The following DPP10 variants were observed in gnomAD, a reference collection of about 807,000 sequenced individuals.
DPP10 encodes the protein inactive dipeptidyl peptidase 10.
A neutral mutation model predicts 120.9 loss-of-function variants in DPP10; 33 were observed. That is an observed-to-expected ratio of 0.27 (90% CI 0.21 to 0.37). The LOEUF is 0.37. Among genes scored for constraint, DPP10 ranks in the 10% least tolerant of loss-of-function variants. DPP10 has a pLI of 1.00. For missense variants in DPP10, 816 were observed against 942.8 expected (o/e 0.87, Z 1.76); for synonymous variants, 337 against 326.1 (o/e 1.03, Z -0.36).
chr2:115,262,494 C>T (rs2059295575), intron 1 of DPP10, among the ~76,000 whole-genome samples: 1 of 151,924 alleles, frequency 6.6e-6, no homozygotes, highest in Non-Finnish European at 1.5e-5. Context: ...ATTTTGACTA[C>T]ATAGAAATCT....
rs561527613 is a variant in DPP10 at position 115,599,488 on chromosome 2, GTTTA to G, written c.441+73524_441+73527del. 2.2e-4 allele frequency among the ~76,000 whole-genome samples: 33 copies of G among 152,086 alleles called. 1 individual carries two copies. The East Asian group carries it at 5.6e-3, about 26-fold the overall frequency. ...CTTACTCAGTGATTTTATTTCAGAT[GTTTA>G]TTTATTTCAGTTCTAACATTTCACT... On this transcript the variant is annotated intron_variant, in intron 5 of 25. Coordinates refer to ENST00000410059, the MANE Select transcript of DPP10 (RefSeq NM_020868.6).
intron 3 of DPP10, among the ~76,000 whole-genome samples, chr2:115,447,380 T>G (rs1183920609): frequency 6.6e-6 from 1 of 152,182 alleles, no homozygotes; most frequent in Non-Finnish European, 1.5e-5. Context: ...ACTTTTGGGT[T>G]ACTGCTGGAA....
At chr2:115,536,578 G>T (rs1247306218) in intron 5 of DPP10, among the ~76,000 whole-genome samples, 1 of 151,938 alleles carries the variant, frequency 6.6e-6, no homozygotes, top group East Asian at 1.9e-4. Flanking sequence ...TTGCTAAAAT[G>T]CCCACTAGAA....
At chr2:114,692,861 T>C (rs1261640804) in intron 1 of DPP10, among the ~76,000 whole-genome samples, 5 of 151,902 alleles carry the variant, frequency 3.3e-5, no homozygotes, top group African/African-American at 9.7e-5. Context: ...TTGTGATCTT[T>C]TTGGTTTAAA....
intron 5 of DPP10, among the ~76,000 whole-genome samples, chr2:115,660,180 T>C (rs2088795969): frequency 6.6e-6 from 1 of 152,214 alleles, no homozygotes; most frequent in African/African-American, 2.4e-5. Flanking sequence ...GAGATGTCTG[T>C]TTATTACGTT....
intron 2 of DPP10, among the ~76,000 whole-genome samples, chr2:115,317,151 C>T (rs894986889): frequency 2.6e-5 from 4 of 152,102 alleles, no homozygotes; most frequent in Non-Finnish European, 5.9e-5. Context: ...AAACTCTACC[C>T]ATTAAGCAGT....
At chr2:114,617,445 T>C (rs991840569) in intron 1 of DPP10, among the ~76,000 whole-genome samples, 7 of 152,248 alleles carry the variant, frequency 4.6e-5, no homozygotes, top group African/African-American at 1.7e-4. Flanking sequence ...GCTGATTAAA[T>C]TTGGAGAAAA....
At chr2:115,274,103 CTGTG>C (rs146168246) in intron 1 of DPP10, among the ~76,000 whole-genome samples, 1 of 150,256 alleles carries the variant, frequency 6.7e-6, no homozygotes, top group South Asian at 2.1e-4. Context: ...GTGTGTGTGT[CTGTG>C]TGTGTGTGTG....
At chr2:115,746,011 A>G in intron 9 of DPP10, 75 bp from the exon 10 acceptor site, 1 of 1,099,090 alleles carries the variant, frequency 9.1e-7, no homozygotes, top group Non-Finnish European at 1.3e-6. Flanking sequence ...TAAATGAATC[A>G]AAAATCCTTT....
chr2:115,653,772 G>A (rs2088028698), intron 5 of DPP10, among the ~76,000 whole-genome samples: 1 of 151,940 alleles, frequency 6.6e-6, no homozygotes. Context: ...GAAAGAAGAG[G>A]AGAATGTTGG....
At chr2:115,794,760 C>T (rs1374253375) in intron 19 of DPP10, among the ~76,000 whole-genome samples, 7 of 152,002 alleles carry the variant, frequency 4.6e-5, no homozygotes, top group African/African-American at 9.7e-5. Flanking sequence ...CTTAAGGACC[C>T]GGAGTCCTTA....
chr2:115,032,287 A>G (rs1400486797), intron 1 of DPP10, among the ~76,000 whole-genome samples: 1 of 152,104 alleles, frequency 6.6e-6, no homozygotes, highest in Non-Finnish European at 1.5e-5. Flanking sequence ...CAGCAGCTGC[A>G]TTTTGAAAAG....
chr2:115,678,330 C>T (rs1213712120), intron 5 of DPP10, among the ~76,000 whole-genome samples: 1 of 152,228 alleles, frequency 6.6e-6, no homozygotes, highest in African/African-American at 2.4e-5. Context: ...CTGCTGTGTG[C>T]AGCCTTGGGA....
At chr2:115,169,737 C>T (rs1027811447) in intron 1 of DPP10, among the ~76,000 whole-genome samples, 4 of 151,996 alleles carry the variant, frequency 2.6e-5, no homozygotes, top group African/African-American at 7.2e-5. Context: ...TAATCAAAAC[C>T]GACTTTACAT....
In DPP10 at chr2:115,180,102, A is replaced by G. The variant is rs935446947; in HGVS notation, c.61-129137A>G. Among the ~76,000 whole-genome samples, 13 of 152,276 alleles carry G rather than the reference A, an allele frequency of 8.5e-5. No homozygotes were observed. In the East Asian group the frequency reaches 2.3e-3, roughly 27 times the overall value. On this transcript the variant is annotated intron_variant, in intron 1 of 25. Transcript: ENST00000410059. Reference sequence around the variant, plus strand: ...CACAAAGAAGAAACTTGTAGTTGTTAATGCTTCTAGGAAGTCAAGCTGCTG... The same window carrying G: ...CACAAAGAAGAAACTTGTAGTTGTTGATGCTTCTAGGAAGTCAAGCTGCTG...
At chr2:115,524,288 T>A (rs1047379276) in intron 4 of DPP10, among the ~76,000 whole-genome samples, 1 of 152,132 alleles carries the variant, frequency 6.6e-6, no homozygotes, top group African/African-American at 2.4e-5. Flanking sequence ...ATGTGAGGGT[T>A]CTCATTACCC....
intron 1 of DPP10, among the ~76,000 whole-genome samples, chr2:114,857,646 A>G (rs1026058081): frequency 5.9e-5 from 9 of 152,214 alleles, no homozygotes; most frequent in African/African-American, 2.2e-4. Flanking sequence ...TAGTAATAGT[A>G]TTCATATGCT....
chr2:114,612,620 G>A (rs371786011), intron 1 of DPP10, among the ~76,000 whole-genome samples: 11 of 152,082 alleles, frequency 7.2e-5, no homozygotes, highest in East Asian at 1.9e-4. Context: ...TATTGACAGC[G>A]TATGAATGAG....
intron 1 of DPP10, among the ~76,000 whole-genome samples, chr2:114,581,011 T>C (rs1315809376): frequency 5.3e-5 from 8 of 152,028 alleles, no homozygotes; most frequent in Non-Finnish European, 2.9e-5. Flanking sequence ...GTTTCCTTAA[T>C]GGAGAAATTT....
Sources: allele counts gnomAD v4.1 joint callset (sites outside exome capture counted in the v4.1 genomes callset), GRCh38; gene constraint gnomAD v4.1.1; transcripts MANE v1.5; gene names NCBI Gene and HGNC (gene_info 2026-07-23, HGNC 2026-07-21).